Variants in SMOC1 observed in about 807,000 individuals in gnomAD.
SMOC1 encodes SPARC related modular calcium binding 1.
Under a neutral mutation model 56.3 loss-of-function variants are expected in SMOC1, and 22 were observed. The ratio of observed to expected loss-of-function variants is 0.39; its 90% CI spans 0.28 to 0.56. The LOEUF is 0.56. SMOC1 is among the 20% of genes least tolerant of loss of function. The probability of loss-of-function intolerance (pLI) is 0.61; values close to 1 mark genes in which losing one functional copy is unlikely to be tolerated. For synonymous variants in SMOC1, 193 were observed against 215.0 expected (o/e 0.90, Z 0.89); for missense variants, 509 against 565.4 (o/e 0.90, Z 1.01).
rs1030368650 is a variant in SMOC1 at position 69,879,422 on chromosome 14, C to G, written c.-257C>G. ...ATTCCCATGGCCCGGGCTCAGGCGT[C>G]CAACCTGCTGCCGCCTGGGCCCCGC... On this transcript the variant is annotated 5_prime_UTR_variant, in exon 1 of 12. Transcript: ENST00000361956. The G allele has an allele frequency of 2.7e-6, 1 of 375,516 alleles. No homozygotes were observed. Among genetic ancestry groups the G allele is most frequent in the African/African-American group, 2.1e-5 (1 of 47,002 alleles). The allele number at this position is 375,516 out of a possible 1,614,324, so 23.3% of individuals were successfully genotyped here. A position where few individuals can be genotyped will look rare whatever the true frequency, so the allele number is the denominator to read the frequency against.
At chr14:69,945,353 T>G (rs1594816165) in intron 1 of SMOC1, among the ~76,000 whole-genome samples, 1 of 152,330 alleles carries the variant, frequency 6.6e-6, no homozygotes, top group East Asian at 1.9e-4. Context: ...GATGATAACC[T>G]CAGTGGCAAT....
At chr14:69,991,215 G>A (rs567253104) in intron 5 of SMOC1, among the ~76,000 whole-genome samples, 4 of 152,218 alleles carry the variant, frequency 2.6e-5, no homozygotes, top group East Asian at 3.9e-4. Flanking sequence ...AGAGAGGGAT[G>A]GTGTAATCAT....
At chr14:69,997,869 C>A (rs528326714) in intron 7 of SMOC1, among the ~76,000 whole-genome samples, 1 of 152,086 alleles carries the variant, frequency 6.6e-6, no homozygotes, top group Non-Finnish European at 1.5e-5. Flanking sequence ...CCTGCATCCC[C>A]GGGGAGGTTG....
intron 7 of SMOC1, among the ~76,000 whole-genome samples, chr14:70,008,830 G>A (rs1885233907): frequency 6.6e-6 from 1 of 152,218 alleles, no homozygotes. Flanking sequence ...TACGAGGTAG[G>A]AAAATAAGGC....
At chr14:69,930,620 G>A (rs1192512270) in intron 1 of SMOC1, among the ~76,000 whole-genome samples, 1 of 152,170 alleles carries the variant, frequency 6.6e-6, no homozygotes, top group Admixed American at 6.5e-5. Context: ...AAGGGCCCCT[G>A]GGTATGCAAG....
chr14:69,883,391 C>T (rs1489513862), intron 1 of SMOC1, among the ~76,000 whole-genome samples: 2 of 152,028 alleles, frequency 1.3e-5, no homozygotes, highest in Non-Finnish European at 2.9e-5. Context: ...AGTATCTGTC[C>T]TTCTGTGGCT....
intron 3 of SMOC1, among the ~76,000 whole-genome samples, chr14:69,961,952 G>T (rs1883398676): frequency 6.6e-6 from 1 of 152,068 alleles, no homozygotes; most frequent in South Asian, 2.1e-4. Flanking sequence ...ATCTTTTCTA[G>T]TGGGTGTGAA....
intron 3 of SMOC1, among the ~76,000 whole-genome samples, chr14:69,971,166 C>G (rs1036791639): frequency 3.9e-5 from 6 of 152,116 alleles, no homozygotes; most frequent in East Asian, 1.9e-4. Flanking sequence ...TTACAGGCAT[C>G]TGCCACCACG....
chr14:69,905,900 C>T (rs1454583491), intron 1 of SMOC1, among the ~76,000 whole-genome samples: 1 of 152,136 alleles, frequency 6.6e-6, no homozygotes, highest in Non-Finnish European at 1.5e-5. Context: ...ATTTGAGACA[C>T]CTTAAGAAAT....
chr14:69,939,357 T>A (rs979815781), intron 1 of SMOC1, among the ~76,000 whole-genome samples: 4 of 152,200 alleles, frequency 2.6e-5, no homozygotes, highest in African/African-American at 9.7e-5. Flanking sequence ...ATTTATTCAC[T>A]ATCATGAGAA....
chr14:70,030,192 T>C (rs1886087601), intron 11 of SMOC1, 50 bp from the exon 12 acceptor site: 8 of 1,600,636 alleles, frequency 5.0e-6, no homozygotes, highest in Non-Finnish European at 6.8e-6. Context: ...TGCTTATATC[T>C]GCCCCCGACC....
At chr14:69,978,550 G>A (rs77541743) in intron 5 of SMOC1, among the ~76,000 whole-genome samples, 2,950 of 152,276 alleles carry the variant, frequency 0.019, 50 homozygotes, top group Non-Finnish European at 0.025. Flanking sequence ...CGTCATATGA[G>A]TGTCTGCTGA....
intron 1 of SMOC1, among the ~76,000 whole-genome samples, chr14:69,899,951 T>C (rs1884198815): frequency 6.6e-6 from 1 of 152,236 alleles, no homozygotes; most frequent in South Asian, 2.1e-4. Flanking sequence ...GTTTGCCATG[T>C]GAAATGAGAA....
intron 1 of SMOC1, among the ~76,000 whole-genome samples, chr14:69,941,915 CCTT>C (rs1393581855): frequency 2.6e-5 from 4 of 152,182 alleles, no homozygotes; most frequent in African/African-American, 4.8e-5. Flanking sequence ...ATTTACCTCT[CCTT>C]CTAGCCCTAC....
chr14:70,023,036 C>T (rs760046697), intron 10 of SMOC1, among the ~76,000 whole-genome samples, 167 bp from the exon 11 acceptor site: 1 of 152,136 alleles, frequency 6.6e-6, no homozygotes, highest in Admixed American at 6.5e-5. Flanking sequence ...GGATTTGAGT[C>T]GGAGAGGATG....
chr14:70,030,138 T>C (rs1209927630), intron 11 of SMOC1, 104 bp from the exon 12 acceptor site: 3 of 1,552,474 alleles, frequency 1.9e-6, no homozygotes, highest in East Asian at 4.5e-5. Flanking sequence ...GTGGGGAAAT[T>C]GATGGACATA....
intron 3 of SMOC1, among the ~76,000 whole-genome samples, chr14:69,953,901 C>T (rs1022469085): frequency 6.6e-6 from 1 of 152,128 alleles, no homozygotes; most frequent in African/African-American, 2.4e-5. Flanking sequence ...CCCTGGTATT[C>T]CCTTCCCTGT....
intron 5 of SMOC1, 69 bp downstream of exon 5, chr14:69,978,034 G>A: frequency 2.5e-6 from 3 of 1,221,296 alleles, no homozygotes; most frequent in Non-Finnish European, 3.7e-6. Context: ...TTTCTTAGAT[G>A]AGATAGAAGG....
chr14:69,886,146 G>C, intron 1 of SMOC1: 3 of 1,403,316 alleles, frequency 2.1e-6, no homozygotes, highest in Non-Finnish European at 3.0e-6. Flanking sequence ...GGCATCTTGG[G>C]CAGCGGGAGG....
Sources: gnomAD v4.1 joint callset for allele counts (sites outside exome capture counted in the v4.1 genomes callset) on GRCh38, gnomAD v4.1.1 for gene constraint, MANE v1.5 for transcripts, NCBI Gene and HGNC (gene_info 2026-07-23, HGNC 2026-07-21) for gene names.